DLG2: variants seen among roughly 807,000 people sequenced by gnomAD.
DLG2 encodes disks large homolog 2.
Under a neutral mutation model 132.5 loss-of-function variants are expected in DLG2, and 45 were observed. That is an observed-to-expected ratio of 0.34 (90% CI 0.27 to 0.44). The LOEUF (loss-of-function observed/expected upper bound fraction) is 0.44. DLG2 is among the 20% of genes least tolerant of loss of function. DLG2 has a pLI of 1.00. For missense variants in DLG2, 1,045 were observed against 1,196.9 expected (o/e 0.87, Z 1.87); for synonymous variants, 424 against 419.6 (o/e 1.01, Z -0.13).
chr11:84,696,731 A>G (rs1025308965), intron 6 of DLG2, among the ~76,000 whole-genome samples: 2 of 151,424 alleles, frequency 1.3e-5, no homozygotes, highest in African/African-American at 4.8e-5. Context: ...AATGTTAAGG[A>G]TACATATGGA....
intron 6 of DLG2, among the ~76,000 whole-genome samples, chr11:84,689,551 G>T (rs903622165): frequency 6.6e-6 from 1 of 152,048 alleles, no homozygotes; most frequent in Non-Finnish European, 1.5e-5. Context: ...CATTTAAATA[G>T]TTAACTACTT....
intron 6 of DLG2, among the ~76,000 whole-genome samples, chr11:84,631,275 T>G (rs1299673077): frequency 1.3e-5 from 2 of 151,660 alleles, no homozygotes; most frequent in African/African-American, 2.4e-5. Context: ...AAAAAAAATC[T>G]AATCCATTAA....
intron 6 of DLG2, among the ~76,000 whole-genome samples, chr11:84,692,151 A>C (rs2058118248): frequency 6.6e-6 from 1 of 151,770 alleles, no homozygotes; most frequent in South Asian, 2.1e-4. Flanking sequence ...AGATGAATTA[A>C]TGAATGTGAG....
chr11:83,826,096 G>C (rs1308350607), intron 17 of DLG2, among the ~76,000 whole-genome samples: 1 of 152,164 alleles, frequency 6.6e-6, no homozygotes, highest in South Asian at 2.1e-4. Context: ...CCATTGAAAG[G>C]CTTTAAAGAG....
chr11:83,839,701 G>A (rs979563589), intron 16 of DLG2, among the ~76,000 whole-genome samples: 2 of 152,170 alleles, frequency 1.3e-5, no homozygotes, highest in Admixed American at 1.3e-4. Context: ...GCCAGAGGAG[G>A]ATTCTTAATT....
intron 6 of DLG2, among the ~76,000 whole-genome samples, chr11:84,582,200 G>A (rs1022717160): frequency 4.6e-5 from 7 of 151,504 alleles, no homozygotes; most frequent in African/African-American, 1.7e-4. Context: ...TTCTTGAGTA[G>A]AAAGGCAAGG....
At chr11:84,837,521 C>T (rs2079983411) in intron 6 of DLG2, among the ~76,000 whole-genome samples, 1 of 151,706 alleles carries the variant, frequency 6.6e-6, no homozygotes, top group Non-Finnish European at 1.5e-5. Flanking sequence ...AAAAACTGCC[C>T]TAAATCTCAA....
At chr11:84,553,161 C>T (rs1787848519) in intron 6 of DLG2, among the ~76,000 whole-genome samples, 1 of 152,166 alleles carries the variant, frequency 6.6e-6, no homozygotes, top group Non-Finnish European at 1.5e-5. Flanking sequence ...ACAGTCTCTC[C>T]TAATCTATCT....
intron 8 of DLG2, among the ~76,000 whole-genome samples, chr11:84,226,313 GT>G (rs2096993301): frequency 6.6e-6 from 1 of 152,128 alleles, no homozygotes; most frequent in Non-Finnish European, 1.5e-5. Flanking sequence ...CAGATTCTCT[GT>G]TAATTCAGCT....
chr11:84,921,138 A>G (rs1289719470), intron 6 of DLG2, among the ~76,000 whole-genome samples: 1 of 152,174 alleles, frequency 6.6e-6, no homozygotes, highest in Non-Finnish European at 1.5e-5. Flanking sequence ...TATTAGATGA[A>G]ACTTTATTGC....
rs527921903 is a variant in DLG2 at position 83,460,697 on chromosome 11, T to C, written c.2822-773A>G. ...AGTATTATCCATATGACACTAGGTC[T>C]TAAAAATAAATTACTACTGAAAGAT... On this transcript the variant is annotated intron_variant, in intron 27 of 27. Coordinates refer to ENST00000376104, the MANE Select transcript of DLG2 (RefSeq NM_001142699.3). 2.0e-5 allele frequency among the ~76,000 whole-genome samples: 3 copies of C among 152,332 alleles called. No individual in the cohort carries two copies. The East Asian group carries it at 5.8e-4, about 29-fold the overall frequency.
chr11:84,608,190 C>A (rs2099589140), intron 6 of DLG2, among the ~76,000 whole-genome samples: 1 of 152,202 alleles, frequency 6.6e-6, no homozygotes, highest in Admixed American at 6.5e-5. Flanking sequence ...GGCCCTGGCA[C>A]TGGCCAGTGA....
intron 11 of DLG2, among the ~76,000 whole-genome samples, chr11:84,049,819 T>G (rs2096324321): frequency 6.6e-6 from 1 of 151,750 alleles, no homozygotes; most frequent in African/African-American, 2.4e-5. Flanking sequence ...TTGTTAGAAA[T>G]GAAAGATTGC....
At chr11:83,706,416 A>C (rs2084009186) in intron 18 of DLG2, among the ~76,000 whole-genome samples, 1 of 152,120 alleles carries the variant, frequency 6.6e-6, no homozygotes, top group Admixed American at 6.5e-5. Context: ...CACTTGGCAA[A>C]GATATTATAG....
chr11:84,288,968 T>C (rs2097948268), intron 7 of DLG2, among the ~76,000 whole-genome samples: 1 of 152,156 alleles, frequency 6.6e-6, no homozygotes, highest in African/African-American at 2.4e-5. Context: ...AGAATTCTTT[T>C]TTCATCAGTA....
At chr11:84,316,770 A>G (rs2098361301) in intron 7 of DLG2, 2 of 1,513,294 alleles carry the variant, frequency 1.3e-6, no homozygotes, top group East Asian at 4.7e-5. Context: ...ACCTTAAACA[A>G]CTTGCTCTCA....
At chr11:85,333,889 T>G (rs114161189) in intron 3 of DLG2, among the ~76,000 whole-genome samples, 6,948 of 136,374 alleles carry the variant, frequency 0.051, 209 homozygotes, top group East Asian at 0.097. Context: ...CTGAAGTTGG[T>G]TTTTTTTTTT....
intron 7 of DLG2, among the ~76,000 whole-genome samples, chr11:84,271,631 T>C (rs1318838755): frequency 6.6e-6 from 1 of 152,164 alleles, no homozygotes; most frequent in African/African-American, 2.4e-5. Flanking sequence ...CAAGCACTCT[T>C]TATGTGCCAG....
intron 4 of DLG2, among the ~76,000 whole-genome samples, chr11:85,168,170 A>G (rs949575171): frequency 6.6e-6 from 1 of 152,172 alleles, no homozygotes; most frequent in Admixed American, 6.5e-5. Flanking sequence ...GGGAAAACAC[A>G]AAGAAGACAG....
Sources: allele counts gnomAD v4.1 joint callset (sites outside exome capture counted in the v4.1 genomes callset), GRCh38; gene constraint gnomAD v4.1.1; transcripts MANE v1.5; gene names NCBI Gene and HGNC (gene_info 2026-07-23, HGNC 2026-07-21).